Variants in DDOST observed in about 807,000 individuals in gnomAD.
DDOST encodes the protein dolichyl-diphosphooligosaccharide--protein glycosyltransferase 48 kDa subunit.
In DDOST, 25 loss-of-function variants were observed where a neutral mutation model predicts 47.6. The ratio of observed to expected loss-of-function variants is 0.53; its 90% CI spans 0.38 to 0.73. The LOEUF is 0.73. Among genes scored for constraint, DDOST ranks in the 30% least tolerant of loss-of-function variants. The pLI is 0.00. For missense variants in DDOST, 526 were observed against 573.9 expected, an observed-to-expected ratio of 0.92 and a Z score of 0.85; for synonymous variants, 275 against 236.0, an observed-to-expected ratio of 1.17 and a Z score of -1.51.
intron 3 of DDOST, 42 bp downstream of exon 3, chr1:20,656,059 T>C: frequency 2.0e-6 from 3 of 1,524,416 alleles, no homozygotes; most frequent in African/African-American, 1.4e-5. Flanking sequence ...TCCAACTCCC[T>C]GGAGAAGTGG....
Position 20,652,976 on chromosome 1 carries a change from G to A in DDOST, c.943-5C>T, listed in dbSNP as rs2053313773. ...CTGGATCACGATGCTATACTCCTGA[G>A]ATAAAAGGCCAGGTTAGCCAGGGCT... On this transcript the variant is annotated splice_region_variant and splice_polypyrimidine_tract_variant and intron_variant, in intron 8 of 10. Coordinates refer to ENST00000602624, the MANE Select transcript of DDOST (RefSeq NM_005216.5). The A allele has an allele frequency of 1.2e-6, 2 of 1,614,164 alleles. No homozygotes were observed. The highest frequency in any genetic ancestry group is 1.7e-6 in the Non-Finnish European group (2 of 1,180,026).
chr1:20,654,766 G>T, intron 5 of DDOST, 59 bp from the exon 6 acceptor site: 1 of 1,151,264 alleles, frequency 8.7e-7, no homozygotes, highest in Non-Finnish European at 1.3e-6. Context: ...AAGGACATGG[G>T]ATCCCCGAGA....
chr1:20,654,791 G>C (rs1570414548), intron 5 of DDOST, 84 bp from the exon 6 acceptor site: 1 of 862,996 alleles, frequency 1.2e-6, no homozygotes, highest in East Asian at 2.7e-5. Context: ...GTTCTTCCCA[G>C]GAATGAATCC....
rs3738142 is a variant in DDOST, at chr1:20,656,045, G to T, written c.352+56C>A. The stretch of plus-strand genomic sequence containing the variant: ...TAATTTGGCAGCTTCTGTTTGTAAT[G>T]CTCTCCAACTCCCTGGAGAAGTGGA... On this transcript the variant is annotated intron_variant, in intron 3 of 10. Coordinates refer to ENST00000602624, the MANE Select transcript of DDOST (RefSeq NM_005216.5). The T allele has an allele frequency of 7.5e-3, 10,854 of 1,445,856 alleles. 278 individuals carry two copies. The highest frequency in any genetic ancestry group is 0.052 in the African/African-American group (3,718 of 71,562). The allele number at this position is 1,445,856 out of a possible 1,614,324, so 89.6% of individuals were successfully genotyped here.
Position 20,653,760 on chromosome 1 carries a change from C to T in DDOST, c.809G>A (p.Gly270Asp), listed in dbSNP as rs1486868206. The T allele has an allele frequency of 1.2e-6, 2 of 1,613,340 alleles. No homozygotes were observed. Among genetic ancestry groups the T allele is most frequent in the East Asian group, 4.5e-5 (2 of 44,876 alleles). The stretch of plus-strand genomic sequence containing the variant: ...GAGGGCCACAGCTAGTTCATAGTTG[C>T]CTGTCTGGGAATACCTGCAGGAGGG... Reference protein sequence around the residue: ...APGSQRYSQTGNYELAVALSR... With the variant: ...APGSQRYSQTDNYELAVALSR... Residue 270 changes from glycine (G) to aspartate (D), a missense_variant, in exon 8 of 11, where the codon GGC becomes GAC. Transcript: ENST00000602624.
intron 8 of DDOST, 158 bp from the exon 9 acceptor site, chr1:20,653,129 T>A: frequency 1.3e-6 from 1 of 760,558 alleles, no homozygotes; most frequent in South Asian, 1.8e-5. Context: ...CCCTGATCAG[T>A]AACCAGTCTC....
chr1:20,661,118 G>A (rs559276348), intron 1 of DDOST, 79 bp downstream of exon 1: 2 of 1,529,444 alleles, frequency 1.3e-6, no homozygotes, highest in African/African-American at 2.7e-5. Context: ...AAAGGGAGAG[G>A]GAAGGAGAGT....
At chr1:20,654,953 G>A (rs2053352247) in intron 5 of DDOST, among the ~76,000 whole-genome samples, 1 of 152,124 alleles carries the variant, frequency 6.6e-6, no homozygotes, top group African/African-American at 2.4e-5. Flanking sequence ...TCCGCCTCCT[G>A]GGTTCAAGCA....
At position 20,654,635 on chromosome 1, in the gene DDOST, G is replaced by A. The variant is rs377532219; in HGVS notation, c.624C>T (p.Phe208=). Residue 208 remains phenylalanine (F), a synonymous_variant, in exon 6 of 11, where the codon TTC becomes TTT. Transcript: ENST00000602624. The stretch of plus-strand genomic sequence containing the variant: ...TTACCTGGGTGATAGGCTTGTCCGG[G>A]AAGAAGGAGTAAGAGGTGGAAGAGC... ...LTGSSTSYSF[F]PDKPITQYPH... is the part of the protein sequence containing the mutation. 3 of 1,564,400 alleles carry A rather than the reference G, an allele frequency of 1.9e-6. No individual in the cohort carries two copies. Among genetic ancestry groups the A allele is most frequent in the Middle Eastern group, 1.7e-4 (1 of 6,002 alleles).
rs201591222 is a variant in DDOST, at chr1:20,654,384, C to A, written c.646-13G>T. 1.9e-6 allele frequency: 3 copies of A among 1,557,018 alleles called. No individual in the cohort carries two copies. In the East Asian group the frequency reaches 7.2e-5, roughly 37 times the overall value. Reference sequence around the variant, plus strand: ...CCGCATGTGGATACTGGGAACAAAACGAGGCTGTGACCCAAGCAGTTCCAA... The same window carrying A: ...CCGCATGTGGATACTGGGAACAAAAAGAGGCTGTGACCCAAGCAGTTCCAA... On this transcript the variant is annotated splice_polypyrimidine_tract_variant and intron_variant, in intron 6 of 10. Coordinates refer to ENST00000602624, the MANE Select transcript of DDOST (RefSeq NM_005216.5).
chr1:20,654,689 A>G lies in DDOST; in HGVS notation c.570T>C (p.Asp190=). Residue 190 remains aspartate, a synonymous_variant, in exon 6 of 11, where the codon GAT becomes GAC. Coordinates refer to ENST00000602624, the MANE Select transcript of DDOST (RefSeq NM_005216.5). Reference sequence around the variant, plus strand: ...TCAGGATGTCCAGCACCAAAGGGTTATCAGGATCGGCCACCATCCTGCAGC... The same window carrying G: ...TCAGGATGTCCAGCACCAAAGGGTTGTCAGGATCGGCCACCATCCTGCAGC... The part of the protein sequence containing the change: ...FRGVGMVADP[D]NPLVLDILTG... 6.4e-7 allele frequency: 1 copy of G among 1,558,870 alleles called. No individual in the cohort carries two copies. Among genetic ancestry groups the G allele is most frequent in the Non-Finnish European group, 8.7e-7 (1 of 1,150,442 alleles).
Position 20,652,365 on chromosome 1 carries a change from A to G in DDOST, c.*14T>C. ...TGCCCCGTCTCCACGCTGTGCGGAG[A>G]GGGCTCTAGCCCCTCAGTCGGACTT... On this transcript the variant is annotated 3_prime_UTR_variant, in exon 11 of 11. Transcript: ENST00000602624. 6.2e-7 allele frequency: 1 copy of G among 1,602,304 alleles called. No homozygotes were observed. The highest frequency in any genetic ancestry group is 8.5e-7 in the Non-Finnish European group (1 of 1,174,588).
rs367807479 is a variant in DDOST, at chr1:20,653,700, C to A, written c.869G>T (p.Arg290Leu). 1.9e-6 allele frequency: 3 copies of A among 1,614,052 alleles called. No homozygotes were observed. Among genetic ancestry groups the A allele is most frequent in the African/African-American group, 1.3e-5 (1 of 75,044 alleles). The part of the protein sequence containing the change: ...RWVFKEEGVL[R>L]VGPVSHHRVG... ...CCGATGATGGGACACAGGCCCCACA[C>A]GGAGGACACCCTCCTCCTTGAACAC... The change falls in exon 8 of 11, where the codon CGT (arginine) becomes CTT (leucine). Residue 290 changes from arginine (R) to leucine (L), a missense_variant. By Grantham distance (102) the Arg-to-Leu change is moderately radical (BLOSUM62 -2). Transcript: ENST00000602624.
rs756635483 is a variant in DDOST at position 20,655,392 on chromosome 1, CCTT to C, written c.551+45_551+47del. 2.1e-6 allele frequency: 3 copies of C among 1,426,990 alleles called. No homozygotes were observed. The East Asian group carries it at 6.9e-5, about 33-fold the overall frequency. The allele number at this position is 1,426,990 out of a possible 1,614,324, so 88.4% of individuals were successfully genotyped here. A position where few individuals can be genotyped will look rare whatever the true frequency, so the allele number is the denominator to read the frequency against. On this transcript the variant is annotated intron_variant, in intron 5 of 10. Coordinates refer to ENST00000602624, the MANE Select transcript of DDOST (RefSeq NM_005216.5). ...GATTTCCCAAAAAAATTAAGTGACC[CCTT>C]CTTCCCCCAGGTTTCTGCTGTCCTC... is the stretch of plus-strand genomic sequence containing the variant.
chr1:20,661,013 G>C (rs1157139065), intron 1 of DDOST, 22 bp from the exon 2 acceptor site: 2 of 1,578,172 alleles, frequency 1.3e-6, no homozygotes, highest in Admixed American at 3.3e-5. Context: ...AAAACAGGTA[G>C]TTGAGGAAGA....
chr1:20,656,420 T>C lies in DDOST; in HGVS notation c.266-233A>G, dbSNP rs61778482. 0.12 allele frequency among the ~76,000 whole-genome samples: 17,836 copies of C among 152,256 alleles called. 1,097 individuals carry two copies. The highest frequency in any genetic ancestry group is 0.14 in the Non-Finnish European group (9,308 of 68,010). On this transcript the variant is annotated intron_variant, in intron 2 of 10. Transcript: ENST00000602624. The stretch of plus-strand genomic sequence containing the variant: ...CTCAGAATTAGAAACTTCTGGAGGT[T>C]TGGAGGAAACAGTCAAACATCCACT...
chr1:20,660,992 C>A lies in DDOST; in HGVS notation c.155-1G>T. The A allele has an allele frequency of 6.2e-7, 1 of 1,610,618 alleles. No homozygotes were observed. Among genetic ancestry groups the A allele is most frequent in the Non-Finnish European group, 8.5e-7 (1 of 1,176,976 alleles). The stretch of plus-strand genomic sequence containing the variant: ...TTGAATGTGAGCTCAAAGCCCCGGT[C>A]TGGACAAGAAAAAACAGGTAGTTGA... On this transcript the variant is annotated splice_acceptor_variant, in intron 1 of 10. Transcript: ENST00000602624. LOFTEE classifies it high-confidence loss of function.
chr1:20,652,893 CA>C lies in DDOST; in HGVS notation c.1020del (p.Phe340LeufsTer8). On this transcript the variant is annotated frameshift_variant, in exon 9 of 11. Transcript: ENST00000602624. LOFTEE classifies it high-confidence loss of function. ...GTCCTCACAAAAGGATCAATGCGGACAAACTCCAGCTGAATGTCATCGCCAT... is the reference window on the plus strand; with the variant it reads ...GTCCTCACAAAAGGATCAATGCGGACAACTCCAGCTGAATGTCATCGCCAT... ...PFDGDDIQLE[F>X]VRIDPFVRTF... The C allele has an allele frequency of 6.2e-7, 1 of 1,614,214 alleles. No individual in the cohort carries two copies. The highest frequency in any genetic ancestry group is 1.1e-5 in the South Asian group (1 of 91,086).
rs557808453 is a variant in DDOST, at chr1:20,655,756, T to C, written c.376A>G (p.Ser126Gly). ...DIGDPLRELG[S>G]ECGIEFDEEK... ...TCGTCAAACTCAATCCCGCACTCAC[T>C]GCCCAGCTCTCGAAGAGGGTCACCT... is the stretch of plus-strand genomic sequence containing the variant. The change falls in exon 4 of 11, where the codon AGT (serine) becomes GGT (glycine). Residue 126 changes from serine to glycine, a missense_variant. Ser to Gly is a moderately conservative substitution (Grantham distance 56). Coordinates refer to ENST00000602624, the MANE Select transcript of DDOST (RefSeq NM_005216.5). 6.2e-6 allele frequency: 10 copies of C among 1,614,120 alleles called. No individual in the cohort carries two copies. In the South Asian group the frequency reaches 6.6e-5, roughly 11 times the overall value.
Sources: gnomAD v4.1 joint callset for allele counts (sites outside exome capture counted in the v4.1 genomes callset) on GRCh38, gnomAD v4.1.1 for gene constraint, MANE v1.5 for transcripts, NCBI Gene and HGNC (gene_info 2026-07-23, HGNC 2026-07-21) for gene names.